The following TOP3A variants were observed in gnomAD, a reference collection of about 807,000 sequenced individuals.
TOP3A encodes DNA topoisomerase III alpha.
TOP3A carries 64 observed loss-of-function variants against 111.3 expected under a neutral mutation model. That is an observed-to-expected ratio of 0.57 (90% CI 0.47 to 0.71). TOP3A has a LOEUF of 0.71. Ranked by LOEUF, TOP3A falls within the 30% of genes least tolerant of loss-of-function variation. The probability of loss-of-function intolerance (pLI) is 0.00; values close to 1 mark genes in which losing one functional copy is unlikely to be tolerated. For synonymous variants in TOP3A, 484 were observed against 485.1 expected (o/e 1.00, Z 0.03); for missense variants, 1,104 against 1,285.0 (o/e 0.86, Z 2.15).
At chr17:18,276,578 G>T (rs1054736390) in intron 18 of TOP3A, among the ~76,000 whole-genome samples, 1 of 152,184 alleles carries the variant, frequency 6.6e-6, no homozygotes, top group South Asian at 2.1e-4. Flanking sequence ...ATGAATGTAG[G>T]CAGGGACCAT....
At position 18,272,628 on chromosome 17, in the gene TOP3A, T is replaced by C. The variant is rs533786515; in HGVS notation, c.*2174A>G. ...TGACATGCTACAATGTGGATGAGCC[T>C]GACAAACATCAGCCAAGTCAAAGAA... On this transcript the variant is annotated 3_prime_UTR_variant, in exon 19 of 19. Transcript: ENST00000321105. Among the ~76,000 whole-genome samples the C allele has an allele frequency of 2.0e-5, 3 of 152,248 alleles. No individual in the cohort carries two copies. Among genetic ancestry groups the C allele is most frequent in the African/African-American group, 7.2e-5 (3 of 41,546 alleles).
At position 18,292,644 on chromosome 17, in the gene TOP3A, C is replaced by A. The variant is rs536206834; in HGVS notation, c.1281+1G>T. 6.4e-7 allele frequency: 1 copy of A among 1,557,284 alleles called. No homozygotes were observed. Among genetic ancestry groups the A allele is most frequent in the African/African-American group, 1.4e-5 (1 of 73,528 alleles). On this transcript the variant is annotated splice_donor_variant, in intron 11 of 18. Coordinates refer to ENST00000321105, the MANE Select transcript of TOP3A (RefSeq NM_004618.5). LOFTEE classifies it high-confidence loss of function. ...CAGGCAGTACATTCAGGGAAACCAA[C>A]CTGTAAGTTGTTGGTGTATTTGGTG...
At position 18,302,336 on chromosome 17, in the gene TOP3A, T is replaced by G; in HGVS notation, c.742A>C (p.Thr248Pro). The G allele has an allele frequency of 5.6e-6, 9 of 1,613,134 alleles. No homozygotes were observed. The highest frequency in any genetic ancestry group is 7.6e-6 in the Non-Finnish European group (9 of 1,179,988). ...AACCGCTCCACCACAAAGCCCAGTGTGGGGAACTGGCAGCTGCCGTAACTG... is the reference window on the plus strand; with the variant it reads ...AACCGCTCCACCACAAAGCCCAGTGGGGGGAACTGGCAGCTGCCGTAACTG... Reference protein sequence around the residue: ...LISYGSCQFPTLGFVVERFKA... With the variant: ...LISYGSCQFPPLGFVVERFKA... Residue 248 changes from threonine to proline, a missense_variant, in exon 7 of 19, where the codon ACA becomes CCA. Coordinates refer to ENST00000321105, the MANE Select transcript of TOP3A (RefSeq NM_004618.5).
At position 18,285,502 on chromosome 17, in the gene TOP3A, G is replaced by A. The variant is rs779781833; in HGVS notation, c.1616C>T (p.Ala539Val). 9.3e-6 allele frequency: 15 copies of A among 1,613,868 alleles called. No homozygotes were observed. Among genetic ancestry groups the A allele is most frequent in the Middle Eastern group, 1.7e-4 (1 of 5,900 alleles). Residue 539 changes from alanine (A) to valine (V), a missense_variant, in exon 14 of 19, where the codon GCG (alanine) becomes GTG (valine). By Grantham distance (64) the Ala-to-Val change is moderately conservative (BLOSUM62 0). Coordinates refer to ENST00000321105, the MANE Select transcript of TOP3A (RefSeq NM_004618.5). ...GGCTTTGATGGTCTCGATGTGCTCCGCATGAGTGGCATCCGTACCTGGAAG... is the reference window on the plus strand; with the variant it reads ...GGCTTTGATGGTCTCGATGTGCTCCACATGAGTGGCATCCGTACCTGGAAG... ...KHGIGTDATH[A>V]EHIETIKARM...
chr17:18,284,170 T>C (rs1291116569), intron 15 of TOP3A, among the ~76,000 whole-genome samples: 1 of 145,190 alleles, frequency 6.9e-6, no homozygotes, highest in Non-Finnish European at 1.5e-5. Context: ...TGGCTAATTT[T>C]TGTATTTTTT....
intron 1 of TOP3A, among the ~76,000 whole-genome samples, chr17:18,311,258 C>T (rs932658949): frequency 6.6e-6 from 1 of 151,450 alleles, no homozygotes; most frequent in African/African-American, 2.4e-5. Context: ...CCTCAGCCTC[C>T]CAGAGTGCTG....
intron 13 of TOP3A, among the ~76,000 whole-genome samples, chr17:18,287,629 T>A (rs1340304337): frequency 1.3e-5 from 2 of 152,050 alleles, no homozygotes; most frequent in African/African-American, 2.4e-5. Flanking sequence ...GGTGGAAGGA[T>A]CCCTTGAAAC....
In TOP3A at chr17:18,278,148, T is replaced by C. The variant is rs1388845293; in HGVS notation, c.2354A>G (p.Asp785Gly). ...MDNSQHPQPA[D>G]SRQTGSSKAL... ...CTTTGAGGACCCAGTCTGTCTGCTG[T>C]CAGCAGGCTGGGGGTGCTGGCTGTT... The change falls in exon 18 of 19, where the codon GAC becomes GGC. Residue 785 changes from aspartate (D) to glycine (G), a missense_variant. Coordinates refer to ENST00000321105, the MANE Select transcript of TOP3A (RefSeq NM_004618.5). 1 of 1,614,182 alleles carries C rather than the reference T, an allele frequency of 6.2e-7. No individual in the cohort carries two copies. Among genetic ancestry groups the C allele is most frequent in the Non-Finnish European group, 8.5e-7 (1 of 1,180,010 alleles).
intron 13 of TOP3A, among the ~76,000 whole-genome samples, chr17:18,289,613 G>T (rs375590107): frequency 5.9e-5 from 9 of 152,234 alleles, no homozygotes; most frequent in African/African-American, 2.2e-4. Context: ...AGCTGGTCTT[G>T]AATTCCTGGG....
Position 18,277,656 on chromosome 17 carries a change from A to G in TOP3A, c.2827+19T>C, listed in dbSNP as rs540241896. 1 of 1,590,672 alleles carries G rather than the reference A, an allele frequency of 6.3e-7. No homozygotes were observed. Among genetic ancestry groups the G allele is most frequent in the South Asian group, 1.1e-5 (1 of 89,856 alleles). ...CTGAAAACTGAAGGCAGGGATTCCC[A>G]TGCCCCTCCCTGCCTCACCTGGAGC... On this transcript the variant is annotated intron_variant, in intron 18 of 18. Coordinates refer to ENST00000321105, the MANE Select transcript of TOP3A (RefSeq NM_004618.5).
intron 1 of TOP3A, among the ~76,000 whole-genome samples, chr17:18,311,056 A>C (rs1004330450): frequency 1.6e-4 from 24 of 149,382 alleles, no homozygotes; most frequent in African/African-American, 5.7e-4. Flanking sequence ...GCTGGAGTGC[A>C]GTGGCACAAT....
intron 8 of TOP3A, among the ~76,000 whole-genome samples, chr17:18,299,932 G>A (rs1365812770): frequency 1.3e-5 from 2 of 152,196 alleles, no homozygotes; most frequent in Admixed American, 1.3e-4. Flanking sequence ...AGTTTTCTAT[G>A]TACACGTGCA....
intron 5 of TOP3A, 186 bp from the exon 6 acceptor site, chr17:18,302,909 C>A (rs1038328319): frequency 1.6e-6 from 1 of 611,284 alleles, no homozygotes; most frequent in African/African-American, 1.9e-5. Flanking sequence ...TCACCATAAC[C>A]TTTAAACTGA....
chr17:18,283,168 G>A (rs996298904), intron 15 of TOP3A, among the ~76,000 whole-genome samples: 2 of 152,112 alleles, frequency 1.3e-5, no homozygotes, highest in African/African-American at 4.8e-5. Flanking sequence ...TTGTAATTTC[G>A]AGACCAGCCT....
At chr17:18,297,689 T>C (rs2142976542) in intron 9 of TOP3A, among the ~76,000 whole-genome samples, 1 of 152,102 alleles carries the variant, frequency 6.6e-6, no homozygotes, top group Non-Finnish European at 1.5e-5. Context: ...CATCCTGAGG[T>C]GCCGGGATTG....
chr17:18,302,090 A>T lies in TOP3A; in HGVS notation c.815-105T>A, dbSNP rs561882895. On this transcript the variant is annotated intron_variant, in intron 7 of 18. Transcript: ENST00000321105. The stretch of plus-strand genomic sequence containing the variant: ...GGTGAAAGTCAAACGAATATCAAAT[A>T]GGGAGGAGTTTCTGGATAACAAAGG... 8.7e-5 allele frequency: 120 copies of T among 1,372,052 alleles called. No homozygotes were observed. The African/African-American group carries it at 1.6e-3, about 18-fold the overall frequency. 85.0% of individuals were successfully genotyped at this position (1,372,052 alleles called of 1,614,324 possible).
intron 18 of TOP3A, among the ~76,000 whole-genome samples, chr17:18,276,040 G>T (rs190589816): frequency 6.6e-6 from 1 of 152,138 alleles, no homozygotes; most frequent in African/African-American, 2.4e-5. Context: ...GTTGAGGTGC[G>T]ATGTGCCTGC....
chr17:18,303,544 C>T (rs747809363), intron 5 of TOP3A, among the ~76,000 whole-genome samples: 1 of 152,110 alleles, frequency 6.6e-6, no homozygotes, highest in East Asian at 1.9e-4. Context: ...TGGCTGGAGG[C>T]GAGACATCAC....
chr17:18,292,771 G>A lies in TOP3A; in HGVS notation c.1155C>T (p.Pro385=), dbSNP rs777108608. The part of the protein sequence containing the change: ...NLTVLVEQQT[P]DPRWGAFAQS... ...GGGCAAAGGCCCCCCAGCGTGGATC[G>A]GGGGTCTGCTGTTCCACCAACACCG... is the stretch of plus-strand genomic sequence containing the variant. Residue 385 remains proline, a synonymous_variant, in exon 11 of 19, where the codon CCC becomes CCT. Transcript: ENST00000321105. 2.6e-5 allele frequency: 42 copies of A among 1,614,002 alleles called. No individual in the cohort carries two copies. The African/African-American group carries it at 3.3e-4, about 13-fold the overall frequency.
Sources: allele counts gnomAD v4.1 joint callset (sites outside exome capture counted in the v4.1 genomes callset), GRCh38; gene constraint gnomAD v4.1.1; transcripts MANE v1.5; gene names NCBI Gene and HGNC (gene_info 2026-07-23, HGNC 2026-07-21).